The following MAGI1 variants were observed in gnomAD, a reference collection of about 807,000 sequenced individuals.
MAGI1 encodes the protein membrane-associated guanylate kinase, WW and PDZ domain-containing protein 1.
Under a neutral mutation model 139.9 loss-of-function variants are expected in MAGI1, and 58 were observed. The ratio of observed to expected loss-of-function variants is 0.41; its 90% confidence interval spans 0.34 to 0.52. The LOEUF (loss-of-function observed/expected upper bound fraction) is 0.52. MAGI1 is among the 20% of genes least tolerant of loss of function. The probability of loss-of-function intolerance (pLI) is 0.12; values close to 1 mark genes in which losing one functional copy is unlikely to be tolerated. For synonymous variants in MAGI1, 812 were observed against 737.9 expected, an observed-to-expected ratio of 1.10 and a Z score of -1.63; for missense variants, 1,874 against 1,901.6, an observed-to-expected ratio of 0.99 and a Z score of 0.27.
chr3:65,879,984 G>C (rs2060260719), intron 1 of MAGI1, among the ~76,000 whole-genome samples: 1 of 152,180 alleles, frequency 6.6e-6, no homozygotes, highest in Admixed American at 6.5e-5. Flanking sequence ...TAAAAAGTTG[G>C]GCTCAGTGGC....
rs114714765 is a variant in MAGI1, at chr3:65,587,082, C to G, written c.430+34890G>C. On this transcript the variant is annotated intron_variant, in intron 2 of 22. Transcript: ENST00000402939. The stretch of plus-strand genomic sequence containing the variant: ...TTTGCTTTTGAGGTTGGGGTTGAAG[C>G]TCATTTGAAATCTTTGACATTCCCC... Among the ~76,000 whole-genome samples the G allele has an allele frequency of 1.9e-3, 296 of 152,232 alleles. 2 individuals are homozygous for G. The highest frequency in any genetic ancestry group is 6.5e-3 in the African/African-American group (268 of 41,528).
intron 1 of MAGI1, among the ~76,000 whole-genome samples, chr3:65,723,798 A>C (rs548728637): frequency 2.5e-4 from 38 of 152,228 alleles, no homozygotes; most frequent in Non-Finnish European, 4.1e-4. Context: ...TGGAGAACTT[A>C]TGCTAAAGTG....
chr3:65,710,657 G>A (rs1034491078), intron 1 of MAGI1, among the ~76,000 whole-genome samples: 5 of 152,100 alleles, frequency 3.3e-5, no homozygotes, highest in South Asian at 2.1e-4. Flanking sequence ...TATACCCTAC[G>A]AGGTAGACAA....
chr3:65,461,876 T>C (rs572284643), intron 5 of MAGI1, among the ~76,000 whole-genome samples: 12 of 152,304 alleles, frequency 7.9e-5, no homozygotes, highest in African/African-American at 1.7e-4. Context: ...TAATGACTAG[T>C]GATGATGAGC....
intron 2 of MAGI1, among the ~76,000 whole-genome samples, chr3:65,613,289 G>C (rs765888444): frequency 1.3e-5 from 2 of 152,182 alleles, no homozygotes; most frequent in Non-Finnish European, 2.9e-5. Flanking sequence ...AACACAGCTT[G>C]TAAATCACTT....
At position 65,988,380 on chromosome 3, in the gene MAGI1, C is replaced by T. The variant is rs184848270; in HGVS notation, c.313+49616G>A. Among the ~76,000 whole-genome samples, 640 of 152,296 alleles carry T rather than the reference C, an allele frequency of 4.2e-3. 2 individuals carry two copies. The highest frequency in any genetic ancestry group is 7.6e-3 in the Non-Finnish European group (518 of 68,030). ...GAAGGGGGTTATGCAGACAATACCCCTAAGTACAGTGGCAGATTGGGAGGG... is the reference window on the plus strand; with the variant it reads ...GAAGGGGGTTATGCAGACAATACCCTTAAGTACAGTGGCAGATTGGGAGGG... On this transcript the variant is annotated intron_variant, in intron 1 of 22. Transcript: ENST00000402939.
At chr3:65,881,123 C>T (rs772992887) in intron 1 of MAGI1, among the ~76,000 whole-genome samples, 7 of 151,956 alleles carry the variant, frequency 4.6e-5, no homozygotes, top group South Asian at 2.1e-4. Flanking sequence ...TGAGCTCAAG[C>T]GATCCACCTG....
At chr3:65,882,287 G>A (rs2060357656) in intron 1 of MAGI1, among the ~76,000 whole-genome samples, 1 of 152,092 alleles carries the variant, frequency 6.6e-6, no homozygotes, top group South Asian at 2.1e-4. Flanking sequence ...AGAAAAAGCT[G>A]TTTACTACAT....
intron 2 of MAGI1, among the ~76,000 whole-genome samples, chr3:65,578,757 T>C (rs1389791856): frequency 6.6e-6 from 1 of 152,046 alleles, no homozygotes; most frequent in Non-Finnish European, 1.5e-5. Flanking sequence ...CCATCTCTAC[T>C]AAAAATACAA....
intron 2 of MAGI1, among the ~76,000 whole-genome samples, chr3:65,611,588 TAGTATATAC>T (rs1378836278): frequency 2.1e-5 from 3 of 140,768 alleles, no homozygotes; most frequent in Non-Finnish European, 4.7e-5. Context: ...TATACTATAC[TAGTATATAC>T]AGTATATATA....
intron 2 of MAGI1, among the ~76,000 whole-genome samples, chr3:65,551,260 C>A (rs559438124): frequency 6.6e-6 from 1 of 152,214 alleles, no homozygotes; most frequent in South Asian, 2.1e-4. Context: ...CTGAGGACTC[C>A]CCAGCCATGA....
chr3:65,991,307 TAAAAAAAA>T (rs397950872), intron 1 of MAGI1, among the ~76,000 whole-genome samples: 1 of 109,316 alleles, frequency 9.1e-6, no homozygotes, highest in African/African-American at 3.2e-5. Context: ...AAAAAAAAGG[TAAAAAAAA>T]AAAAAAAAGA....
intron 1 of MAGI1, among the ~76,000 whole-genome samples, chr3:65,960,858 A>G (rs1452427782): frequency 6.6e-6 from 1 of 152,172 alleles, no homozygotes; most frequent in African/African-American, 2.4e-5. Context: ...TTCTGAGAAA[A>G]GAGTTGAAAT....
intron 2 of MAGI1, among the ~76,000 whole-genome samples, chr3:65,611,681 A>C (rs2083133955): frequency 7.5e-6 from 1 of 134,052 alleles, no homozygotes; most frequent in South Asian, 2.2e-4. Flanking sequence ...TACTATATAT[A>C]GTGTCATACA....
chr3:65,940,762 G>A (rs995155564), intron 1 of MAGI1, among the ~76,000 whole-genome samples: 4 of 152,192 alleles, frequency 2.6e-5, no homozygotes, highest in African/African-American at 7.2e-5. Context: ...TAACCAAAGT[G>A]CGTATCAGAC....
intron 1 of MAGI1, among the ~76,000 whole-genome samples, chr3:65,816,869 CAAAAGAA>C (rs935500059): frequency 6.6e-6 from 1 of 152,116 alleles, no homozygotes; most frequent in Non-Finnish European, 1.5e-5. Flanking sequence ...TACTGTGGGT[CAAAAGAA>C]TCTCTTCTTT....
intron 1 of MAGI1, among the ~76,000 whole-genome samples, chr3:66,001,201 CAAG>C (rs2066720044): frequency 6.6e-6 from 1 of 151,920 alleles, no homozygotes; most frequent in South Asian, 2.1e-4. Flanking sequence ...TCTTGAAGAA[CAAG>C]TAGGAATTGG....
intron 12 of MAGI1, among the ~76,000 whole-genome samples, chr3:65,426,631 A>T (rs2107317444): frequency 6.6e-6 from 1 of 152,300 alleles, no homozygotes; most frequent in African/African-American, 2.4e-5. Flanking sequence ...GTTGTCTTGA[A>T]GCACCTTCAT....
chr3:65,414,015 G>A (rs996980346), intron 12 of MAGI1, among the ~76,000 whole-genome samples: 1 of 152,192 alleles, frequency 6.6e-6, no homozygotes, highest in African/African-American at 2.4e-5. Context: ...TCTCACTGTG[G>A]AAAATAAATG....
Sources: allele counts gnomAD v4.1 joint callset (sites outside exome capture counted in the v4.1 genomes callset), GRCh38; gene constraint gnomAD v4.1.1; transcripts MANE v1.5; gene names NCBI Gene and HGNC (gene_info 2026-07-23, HGNC 2026-07-21).